DIAPH3: variants seen among roughly 807,000 people sequenced by gnomAD.
The protein encoded by DIAPH3 is diaphanous related formin 3, also known as protein diaphanous homolog 3.
A neutral mutation model predicts 144.3 loss-of-function variants in DIAPH3; 117 were observed. The observed-to-expected ratio is 0.81, with a 90% CI of 0.70 to 0.95. The LOEUF is 0.95. Ranked by LOEUF, DIAPH3 falls within the 40% of genes least tolerant of loss-of-function variation. The pLI is 0.00. For synonymous variants in DIAPH3, 519 were observed against 488.9 expected (o/e 1.06, Z -0.81); for missense variants, 1,421 against 1,412.7 (o/e 1.01, Z -0.09).
intron 9 of DIAPH3, among the ~76,000 whole-genome samples, chr13:60,002,817 C>T (rs1010154160): frequency 1.3e-5 from 2 of 152,066 alleles, no homozygotes; most frequent in Admixed American, 6.5e-5. Flanking sequence ...TTCAATCAGT[C>T]GTATGACCAA....
chr13:59,870,757 G>A (rs1325225536), intron 21 of DIAPH3, among the ~76,000 whole-genome samples: 2 of 149,522 alleles, frequency 1.3e-5, no homozygotes, highest in African/African-American at 2.5e-5. Context: ...CACAACCTCC[G>A]CTTCCCAGGT....
At chr13:59,936,270 A>T (rs2048255955) in intron 17 of DIAPH3, among the ~76,000 whole-genome samples, 1 of 152,188 alleles carries the variant, frequency 6.6e-6, no homozygotes, top group South Asian at 2.1e-4. Context: ...TGAAATTAAA[A>T]ATCAAAATAT....
intron 9 of DIAPH3, among the ~76,000 whole-genome samples, chr13:59,994,688 C>T (rs2052079307): frequency 6.6e-6 from 1 of 151,802 alleles, no homozygotes; most frequent in African/African-American, 2.4e-5. Flanking sequence ...GAAGGAAGAT[C>T]TAAGCCGAGG....
chr13:60,113,148 C>T (rs1334241891), intron 2 of DIAPH3, among the ~76,000 whole-genome samples: 3 of 152,062 alleles, frequency 2.0e-5, no homozygotes, highest in Admixed American at 6.6e-5. Flanking sequence ...TAGCCACTAG[C>T]TATGTATGAT....
intron 17 of DIAPH3, among the ~76,000 whole-genome samples, chr13:59,925,483 T>A (rs899099612): frequency 6.6e-6 from 1 of 152,206 alleles, no homozygotes; most frequent in Admixed American, 6.5e-5. Flanking sequence ...TTTCTGCATC[T>A]AAATTCATCA....
At chr13:60,077,128 T>C (rs544868940) in intron 4 of DIAPH3, among the ~76,000 whole-genome samples, 11 of 152,260 alleles carry the variant, frequency 7.2e-5, no homozygotes, top group Non-Finnish European at 1.6e-4. Context: ...GGAATGTTAC[T>C]TGATTACTAA....
intron 21 of DIAPH3, among the ~76,000 whole-genome samples, chr13:59,873,320 G>C (rs745331262): frequency 6.6e-6 from 1 of 152,054 alleles, no homozygotes; most frequent in South Asian, 2.1e-4. Flanking sequence ...GGATTTGTTC[G>C]GCAGAGATCT....
chr13:59,950,457 G>A (rs1304191467), intron 17 of DIAPH3, among the ~76,000 whole-genome samples: 1 of 152,136 alleles, frequency 6.6e-6, no homozygotes, highest in Non-Finnish European at 1.5e-5. Context: ...ACTGCCCTGA[G>A]TAAAAGGAGT....
chr13:59,777,181 C>A (rs1290315735), intron 25 of DIAPH3, among the ~76,000 whole-genome samples: 10 of 151,932 alleles, frequency 6.6e-5, no homozygotes, highest in African/African-American at 2.4e-4. Context: ...TATTGTTGTG[C>A]CAGAAAATAA....
intron 1 of DIAPH3, among the ~76,000 whole-genome samples, chr13:60,137,742 C>CTTTTTT (rs35703399): frequency 8.0e-6 from 1 of 125,734 alleles, no homozygotes; most frequent in Non-Finnish European, 1.7e-5. Flanking sequence ...TTAAAATTGA[C>CTTTTTT]TTTTTTTTTT....
At chr13:59,821,859 CT>C (rs1183055877) in intron 24 of DIAPH3, among the ~76,000 whole-genome samples, 1 of 152,130 alleles carries the variant, frequency 6.6e-6, no homozygotes, top group South Asian at 2.1e-4. Context: ...ATTAGTTGAA[CT>C]TTTTATGACC....
intron 16 of DIAPH3, among the ~76,000 whole-genome samples, chr13:59,970,264 A>T (rs1323262857): frequency 6.6e-6 from 1 of 152,212 alleles, no homozygotes; most frequent in Non-Finnish European, 1.5e-5. Context: ...TCCATGATCC[A>T]ATAGTTGAGG....
intron 25 of DIAPH3, among the ~76,000 whole-genome samples, chr13:59,775,545 G>C (rs1033822607): frequency 6.6e-6 from 1 of 152,158 alleles, no homozygotes; most frequent in South Asian, 2.1e-4. Flanking sequence ...CACGGCCCGG[G>C]AGAGTGTTTT....
intron 17 of DIAPH3, among the ~76,000 whole-genome samples, chr13:59,969,121 A>C (rs903909649): frequency 6.6e-6 from 1 of 152,198 alleles, no homozygotes; most frequent in African/African-American, 2.4e-5. Flanking sequence ...TCAGCCTTGA[A>C]ATGTAAGTAG....
intron 27 of DIAPH3, among the ~76,000 whole-genome samples, chr13:59,748,933 G>A (rs1371664392): frequency 6.6e-6 from 1 of 152,216 alleles, no homozygotes; most frequent in Non-Finnish European, 1.5e-5. Context: ...GTAAAGCCAG[G>A]TCAGGTGCGG....
chr13:60,056,140 G>C (rs1441566270), intron 4 of DIAPH3, among the ~76,000 whole-genome samples: 1 of 151,350 alleles, frequency 6.6e-6, no homozygotes, highest in Non-Finnish European at 1.5e-5. Context: ...TGTAATGTTA[G>C]ACTCTAACTA....
At chr13:59,801,863 T>C (rs1215329191) in intron 25 of DIAPH3, among the ~76,000 whole-genome samples, 1 of 152,252 alleles carries the variant, frequency 6.6e-6, no homozygotes, top group African/African-American at 2.4e-5. Context: ...ACCATTTACA[T>C]GTAACATATA....
intron 9 of DIAPH3, among the ~76,000 whole-genome samples, chr13:59,997,408 C>T (rs1308704054): frequency 6.6e-6 from 1 of 152,024 alleles, no homozygotes; most frequent in Non-Finnish European, 1.5e-5. Context: ...TAGTATTCCA[C>T]AGTGAATATG....
chr13:59,825,280 AT>A (rs1566369328), intron 24 of DIAPH3, among the ~76,000 whole-genome samples: 1 of 151,964 alleles, frequency 6.6e-6, no homozygotes, highest in East Asian at 1.9e-4. Flanking sequence ...GAGTGAGAAC[AT>A]ATGGTGTTTG....
Sources: allele counts gnomAD v4.1 joint callset (sites outside exome capture counted in the v4.1 genomes callset), GRCh38; gene constraint gnomAD v4.1.1; transcripts MANE v1.5; gene names NCBI Gene and HGNC (gene_info 2026-07-23, HGNC 2026-07-21).